CCDC138: variants seen among roughly 807,000 people sequenced by gnomAD.
The protein encoded by CCDC138 is coiled-coil domain-containing protein 138.
CCDC138 carries 66 observed loss-of-function variants against 82.3 expected under a neutral mutation model. That is an observed-to-expected ratio of 0.80 (90% CI 0.66 to 0.98). The LOEUF is 0.98. Ranked by LOEUF, CCDC138 falls within the 50% of genes least tolerant of loss-of-function variation. CCDC138 has a pLI of 0.00. For synonymous variants in CCDC138, 297 were observed against 265.4 expected (o/e 1.12, Z -1.16); for missense variants, 816 against 758.9 (o/e 1.08, Z -0.88).
intron 5 of CCDC138, 62 bp from the exon 6 acceptor site, chr2:108,798,366 G>A: frequency 6.4e-7 from 1 of 1,557,964 alleles, no homozygotes; most frequent in South Asian, 1.2e-5. Context: ...TCAGCCAATA[G>A]GAATATAATT....
intron 14 of CCDC138, among the ~76,000 whole-genome samples, chr2:108,874,721 A>G (rs1695770112): frequency 6.6e-6 from 1 of 152,214 alleles, no homozygotes; most frequent in East Asian, 1.9e-4. Context: ...ATTATTGTCA[A>G]ATTATAACCT....
chr2:108,821,625 GA>G (rs1214583673), intron 10 of CCDC138, among the ~76,000 whole-genome samples: 1 of 152,008 alleles, frequency 6.6e-6, no homozygotes, highest in Non-Finnish European at 1.5e-5. Context: ...AAAACATACA[GA>G]AAAAAATTAA....
chr2:108,844,153 C>T (rs1460504943), intron 11 of CCDC138, among the ~76,000 whole-genome samples: 1 of 151,784 alleles, frequency 6.6e-6, no homozygotes, highest in Admixed American at 6.6e-5. Flanking sequence ...GAGCCACCGC[C>T]CCCAGTTTCT....
chr2:108,815,471 T>G (rs1458453103), intron 9 of CCDC138, among the ~76,000 whole-genome samples: 2 of 137,954 alleles, frequency 1.4e-5, no homozygotes, highest in African/African-American at 2.8e-5. Context: ...GTTTTTTTTT[T>G]TTTTTTTTTT....
intron 10 of CCDC138, among the ~76,000 whole-genome samples, chr2:108,837,176 T>G (rs1688715765): frequency 6.6e-6 from 1 of 152,328 alleles, no homozygotes; most frequent in South Asian, 2.1e-4. Context: ...TGTGGGCTTT[T>G]TATATATAGC....
intron 10 of CCDC138, among the ~76,000 whole-genome samples, chr2:108,837,377 T>C (rs765493846): frequency 6.6e-6 from 1 of 152,230 alleles, no homozygotes; most frequent in Non-Finnish European, 1.5e-5. Flanking sequence ...ATTGCAAGAA[T>C]TAATCTCACT....
intron 10 of CCDC138, among the ~76,000 whole-genome samples, chr2:108,831,700 T>TCTTCCTTC (rs71383803): frequency 0.37 from 53,313 of 145,056 alleles, 11,582 homozygotes; most frequent in Non-Finnish European, 0.49. Context: ...TGGCACAGAA[T>TCTTCCTTC]CTTCCTTCCT....
chr2:108,799,505 C>CTACT (rs1298588823), intron 6 of CCDC138, among the ~76,000 whole-genome samples: 2 of 152,224 alleles, frequency 1.3e-5, no homozygotes, highest in Non-Finnish European at 2.9e-5. Context: ...TTTTCTGTCC[C>CTACT]AGTACATCTG....
At chr2:108,818,867 T>G (rs985613757) in intron 10 of CCDC138, among the ~76,000 whole-genome samples, 8 of 152,030 alleles carry the variant, frequency 5.3e-5, no homozygotes, top group African/African-American at 1.9e-4. Flanking sequence ...TACTTAAGGA[T>G]GGATTTAATA....
intron 12 of CCDC138, among the ~76,000 whole-genome samples, chr2:108,856,171 C>G (rs1201349861): frequency 1.3e-5 from 2 of 152,148 alleles, no homozygotes; most frequent in Non-Finnish European, 2.9e-5. Context: ...TGTGGGACTT[C>G]TTTAAGAAAG....
At chr2:108,802,227 C>T in intron 6 of CCDC138, among the ~76,000 whole-genome samples, 1 of 111,658 alleles carries the variant, frequency 9.0e-6, no homozygotes, top group African/African-American at 3.9e-5. Flanking sequence ...GGCAGTATGG[C>T]CATTTTCACG....
chr2:108,841,517 T>C (rs1689478717), intron 11 of CCDC138, among the ~76,000 whole-genome samples: 1 of 152,218 alleles, frequency 6.6e-6, no homozygotes, highest in African/African-American at 2.4e-5. Flanking sequence ...CTCTGAACAT[T>C]TGCATTGCCT....
intron 11 of CCDC138, among the ~76,000 whole-genome samples, chr2:108,845,490 A>G (rs1312823316): frequency 6.6e-6 from 1 of 152,148 alleles, no homozygotes; most frequent in African/African-American, 2.4e-5. Flanking sequence ...TTGGGTCATA[A>G]TAAAGGAAAT....
intron 10 of CCDC138, among the ~76,000 whole-genome samples, chr2:108,832,025 G>T (rs1043536286): frequency 3.3e-5 from 5 of 149,384 alleles, no homozygotes; most frequent in African/African-American, 9.9e-5. Flanking sequence ...GAGCCACCAC[G>T]CACAGCTTTT....
In CCDC138 at chr2:108,847,148, G is replaced by A. The variant is rs187650530; in HGVS notation, c.1516+218G>A. Reference sequence around the variant, plus strand: ...GCCTCCTCCCAAGAGGCCTTTGATTGTCTTAGGTCATATTCCCATAACAAC... The same window carrying A: ...GCCTCCTCCCAAGAGGCCTTTGATTATCTTAGGTCATATTCCCATAACAAC... On this transcript the variant is annotated intron_variant, in intron 12 of 14. Transcript: ENST00000295124. 2.5e-3 allele frequency among the ~76,000 whole-genome samples: 388 copies of A among 152,274 alleles called. 3 individuals carry two copies. In the South Asian group the frequency reaches 0.04, roughly 16 times the overall value.
chr2:108,878,270 C>T, downstream of CCDC138: 1 of 160,300 alleles, frequency 6.2e-6, no homozygotes, highest in Non-Finnish European at 1.4e-5. Context: ...TTCCTTCCTC[C>T]ATCATCATGA....
chr2:108,794,508 A>G (rs1447855464), intron 4 of CCDC138, 32 bp from the exon 5 acceptor site: 1 of 1,558,854 alleles, frequency 6.4e-7, no homozygotes, highest in East Asian at 2.3e-5. Flanking sequence ...AAGTTAATAA[A>G]GTTTATAATG....
chr2:108,820,304 A>G (rs533568657), intron 10 of CCDC138, among the ~76,000 whole-genome samples: 78 of 152,312 alleles, frequency 5.1e-4, no homozygotes, highest in African/African-American at 1.7e-3. Flanking sequence ...AAAACGAAGA[A>G]AAGTGACGAC....
At chr2:108,789,325 G>T (rs1347877086) in intron 3 of CCDC138, among the ~76,000 whole-genome samples, 2 of 152,148 alleles carry the variant, frequency 1.3e-5, no homozygotes, top group Non-Finnish European at 2.9e-5. Context: ...AGGTGCGGTG[G>T]CTCACGCCTG....
Sources: allele counts gnomAD v4.1 joint callset (sites outside exome capture counted in the v4.1 genomes callset), GRCh38; gene constraint gnomAD v4.1.1; transcripts MANE v1.5; gene names NCBI Gene and HGNC (gene_info 2026-07-23, HGNC 2026-07-21).